Variants in ADAMTS6 observed in about 807,000 individuals in gnomAD.
ADAMTS6 encodes the protein ADAM metallopeptidase with thrombospondin type 1 motif 6, also known as A disintegrin and metalloproteinase with thrombospondin motifs 6.
In ADAMTS6, 23 loss-of-function variants were observed where a neutral mutation model predicts 144.3. The ratio of observed to expected loss-of-function variants is 0.16; its 90% CI spans 0.11 to 0.23. The LOEUF (loss-of-function observed/expected upper bound fraction) is 0.23, where lower values mean the gene tolerates loss of function less well. Among genes scored for constraint, ADAMTS6 ranks in the 10% least tolerant of loss-of-function variants. The probability of loss-of-function intolerance (pLI) is 1.00; values close to 1 mark genes in which losing one functional copy is unlikely to be tolerated. For missense variants in ADAMTS6, 999 were observed against 1,379.6 expected (o/e 0.72, Z 4.37); for synonymous variants, 444 against 457.5 (o/e 0.97, Z 0.38).
intron 15 of ADAMTS6, among the ~76,000 whole-genome samples, chr5:65,231,734 C>A (rs141058784): frequency 8.5e-4 from 129 of 152,196 alleles, no homozygotes; most frequent in African/African-American, 3.0e-3. Context: ...CTGGAAAATT[C>A]ACAAATATGT....
At chr5:65,277,106 G>C (rs182019579) in intron 11 of ADAMTS6, among the ~76,000 whole-genome samples, 2 of 152,200 alleles carry the variant, frequency 1.3e-5, no homozygotes, top group East Asian at 3.9e-4. Flanking sequence ...CCCCACTAAA[G>C]GACATTTCTG....
chr5:65,302,121 T>C (rs908493706), intron 9 of ADAMTS6, among the ~76,000 whole-genome samples: 10 of 143,542 alleles, frequency 7.0e-5, no homozygotes, highest in African/African-American at 2.5e-4. Context: ...TATATATATA[T>C]ATATATATGC....
chr5:65,336,924 T>C (rs1397265964), intron 7 of ADAMTS6, among the ~76,000 whole-genome samples: 4 of 152,100 alleles, frequency 2.6e-5, no homozygotes, highest in African/African-American at 4.8e-5. Flanking sequence ...ATATCTACCA[T>C]GATACCTACT....
intron 21 of ADAMTS6, among the ~76,000 whole-genome samples, chr5:65,188,930 C>A (rs1424756546): frequency 6.6e-6 from 1 of 152,132 alleles, no homozygotes; most frequent in East Asian, 1.9e-4. Context: ...TAGAAATAAA[C>A]CTCTATGAAG....
intron 15 of ADAMTS6, among the ~76,000 whole-genome samples, chr5:65,235,456 G>C (rs532876586): frequency 6.6e-6 from 1 of 151,088 alleles, no homozygotes; most frequent in Non-Finnish European, 1.5e-5. Flanking sequence ...GATCCTGGGC[G>C]TGTCTGTGAG....
At chr5:65,253,831 T>G (rs1760410786) in intron 14 of ADAMTS6, among the ~76,000 whole-genome samples, 1 of 129,272 alleles carries the variant, frequency 7.7e-6, no homozygotes, top group Admixed American at 7.8e-5. Flanking sequence ...TTTTTTTTTT[T>G]TTTTTTTTTT....
chr5:65,406,459 G>C (rs146978028), intron 7 of ADAMTS6, among the ~76,000 whole-genome samples: 2 of 152,070 alleles, frequency 1.3e-5, no homozygotes, highest in African/African-American at 4.8e-5. Context: ...TTATTGATTT[G>C]CGTATGTTAA....
chr5:65,291,186 T>C, intron 11 of ADAMTS6, 143 bp downstream of exon 11: 2 of 886,876 alleles, frequency 2.3e-6, no homozygotes, highest in Non-Finnish European at 3.2e-6. Context: ...ACATATGATG[T>C]CAGAAAAACT....
rs748955213 is a variant in ADAMTS6 at position 65,273,443 on chromosome 5, A to G, written c.1517T>C (p.Val506Ala). The G allele has an allele frequency of 7.4e-6, 12 of 1,612,400 alleles. No homozygotes were observed. In the Admixed American group the frequency reaches 1.5e-4, roughly 20 times the overall value. Residue 506 changes from valine (V) to alanine (A), a missense_variant, in exon 12 of 25, where the codon GTG (valine) becomes GCG (alanine). Val to Ala is a moderately conservative substitution (Grantham distance 64). Transcript: ENST00000381055. ...ATSRQCKYGE[V>A]CRELWCLSKS... ...GCTGAGACACCAGAGCTCTCTACAC[A>G]CTTCCTAGGAAAGAAGGCAAAAGCA...
In ADAMTS6 at chr5:65,149,082, CAT is replaced by C. The variant is rs1337317756; in HGVS notation, c.*2752_*2753del. 1 of 152,646 alleles carries C rather than the reference CAT, an allele frequency of 6.6e-6. No individual in the cohort carries two copies. The highest frequency in any genetic ancestry group is 1.5e-5 in the Non-Finnish European group (1 of 68,038). The allele number at this position is 152,646 out of a possible 1,614,324, so 9.5% of individuals were successfully genotyped here. A position where few individuals can be genotyped will look rare whatever the true frequency, so the allele number is the denominator to read the frequency against. ...CTAATGAAATGGACTATTTGGAAAT[CAT>C]ATGTATCTCACGGGGTTTAATCATT... On this transcript the variant is annotated 3_prime_UTR_variant, in exon 25 of 25. Transcript: ENST00000381055.
intron 7 of ADAMTS6, among the ~76,000 whole-genome samples, chr5:65,420,756 A>G (rs1755960694): frequency 6.6e-6 from 1 of 152,124 alleles, no homozygotes; most frequent in Non-Finnish European, 1.5e-5. Flanking sequence ...ATGTAGCTGG[A>G]AAAAAAGCTA....
At chr5:65,285,102 T>G (rs1763264831) in intron 11 of ADAMTS6, among the ~76,000 whole-genome samples, 1 of 152,156 alleles carries the variant, frequency 6.6e-6, no homozygotes, top group South Asian at 2.1e-4. Context: ...GCCTTTAATT[T>G]TCTAACATGG....
intron 22 of ADAMTS6, among the ~76,000 whole-genome samples, chr5:65,184,449 A>G (rs553314176): frequency 6.6e-6 from 1 of 152,242 alleles, no homozygotes; most frequent in East Asian, 1.9e-4. Context: ...CATCTTCCGT[A>G]AGTAATGCTA....
At chr5:65,272,426 G>C (rs1178880542) in intron 12 of ADAMTS6, among the ~76,000 whole-genome samples, 1 of 152,046 alleles carries the variant, frequency 6.6e-6, no homozygotes, top group Non-Finnish European at 1.5e-5. Context: ...CTAGGCTTGA[G>C]TGATCCTCCC....
At chr5:65,210,559 G>C (rs1256869504) in intron 20 of ADAMTS6, 17 of 537,530 alleles carry the variant, frequency 3.2e-5, no homozygotes, top group Non-Finnish European at 5.6e-5. Context: ...CTGCTATCTG[G>C]ATGCAGGCCT....
At chr5:65,153,403 T>A (rs896872881) in intron 24 of ADAMTS6, among the ~76,000 whole-genome samples, 12 of 152,202 alleles carry the variant, frequency 7.9e-5, no homozygotes, top group South Asian at 6.2e-4. Context: ...TCACTTAACC[T>A]CTTTGTGCTT....
At chr5:65,307,911 T>A (rs1215196678) in intron 9 of ADAMTS6, among the ~76,000 whole-genome samples, 1 of 152,166 alleles carries the variant, frequency 6.6e-6, no homozygotes, top group East Asian at 1.9e-4. Flanking sequence ...CATTTGACTT[T>A]GGGGTATTAA....
chr5:65,305,647 T>C (rs1303552353), intron 9 of ADAMTS6, among the ~76,000 whole-genome samples: 2 of 152,168 alleles, frequency 1.3e-5, no homozygotes, highest in African/African-American at 4.8e-5. Context: ...GAGAATATCT[T>C]CATTGCCAGT....
intron 22 of ADAMTS6, among the ~76,000 whole-genome samples, chr5:65,186,293 A>T (rs1301309026): frequency 2.0e-5 from 3 of 152,142 alleles, no homozygotes; most frequent in Non-Finnish European, 1.5e-5. Flanking sequence ...GAATTTCCAT[A>T]TTAATTATAC....
Sources: allele counts gnomAD v4.1 joint callset (sites outside exome capture counted in the v4.1 genomes callset), GRCh38; gene constraint gnomAD v4.1.1; transcripts MANE v1.5; gene names NCBI Gene and HGNC (gene_info 2026-07-23, HGNC 2026-07-21).